Variants in GPC3 observed in about 807,000 individuals in gnomAD.
GPC3 encodes glypican-3.
GPC3 carries 3 observed loss-of-function variants against 34.4 expected under a neutral mutation model. The ratio of observed to expected loss-of-function variants is 0.09; its 90% CI spans 0.04 to 0.23. GPC3 has a LOEUF of 0.23. Ranked by LOEUF, GPC3 falls within the 10% of genes least tolerant of loss-of-function variation. GPC3 has a pLI of 1.00. For missense variants in GPC3, 351 were observed against 445.6 expected, an observed-to-expected ratio of 0.79 and a Z score of 1.91; for synonymous variants, 177 against 174.0, an observed-to-expected ratio of 1.02 and a Z score of -0.13.
chrX:133,690,943 A>G (rs998082220), intron 5 of GPC3, among the ~76,000 whole-genome samples: 15 of 111,889 alleles, frequency 1.3e-4, no homozygotes, highest in South Asian at 3.7e-4. Context: ...TTTCCTAAGC[A>G]TTCTGTCCTC....
intron 2 of GPC3, among the ~76,000 whole-genome samples, chrX:133,933,712 C>T (rs190598003): frequency 1.8e-3 from 200 of 109,935 alleles, no homozygotes; most frequent in Non-Finnish European, 3.1e-3. Flanking sequence ...CTCTCTCCTG[C>T]TCCTGCTTTC....
At chrX:133,831,703 TCAAAA>T (rs751814226) in intron 2 of GPC3, among the ~76,000 whole-genome samples, 37 of 110,529 alleles carry the variant, frequency 3.3e-4, no homozygotes, top group African/African-American at 1.1e-3. Context: ...GCACTCTGTC[TCAAAA>T]CAAAACAAAA....
intron 7 of GPC3, among the ~76,000 whole-genome samples, chrX:133,548,934 CTG>C (rs1458045239): frequency 1.8e-5 from 2 of 111,673 alleles, no homozygotes; most frequent in African/African-American, 3.3e-5. Flanking sequence ...TCATGTGGAA[CTG>C]TAAGTCCATT....
intron 1 of GPC3, among the ~76,000 whole-genome samples, chrX:133,984,186 C>A (rs1015029717): frequency 8.8e-6 from 1 of 113,729 alleles, no homozygotes. Context: ...GGGACGCGCG[C>A]CTCACTGGAT....
intron 6 of GPC3, among the ~76,000 whole-genome samples, chrX:133,640,688 A>G (rs1399874119): frequency 2.7e-5 from 3 of 112,404 alleles, no homozygotes; most frequent in Non-Finnish European, 3.8e-5. Context: ...CTGAAAAACC[A>G]TGAATAAGCC....
chrX:133,857,192 C>T (rs2075907248), intron 2 of GPC3, among the ~76,000 whole-genome samples: 1 of 111,492 alleles, frequency 9.0e-6, no homozygotes, highest in Non-Finnish European at 1.9e-5. Context: ...CTTCTTCTGA[C>T]CTATTCTTCC....
At chrX:133,610,190 A>G (rs1287990320) in intron 6 of GPC3, among the ~76,000 whole-genome samples, 4 of 111,498 alleles carry the variant, frequency 3.6e-5, no homozygotes, top group Non-Finnish European at 7.5e-5. Context: ...TTTGGTAGAG[A>G]TTCTGGTGAA....
intron 2 of GPC3, among the ~76,000 whole-genome samples, chrX:133,782,225 T>C (rs1603246499): frequency 1.8e-5 from 2 of 111,932 alleles, no homozygotes; most frequent in South Asian, 7.5e-4. Context: ...GTGACTACCC[T>C]GCAAACTCAC....
At chrX:133,598,999 A>G (rs1427265560) in intron 6 of GPC3, among the ~76,000 whole-genome samples, 1 of 112,549 alleles carries the variant, frequency 8.9e-6, no homozygotes, top group African/African-American at 3.2e-5. Flanking sequence ...TGAAAGCCTG[A>G]ATTTTATTAT....
At chrX:133,780,527 T>C (rs981997439) in intron 2 of GPC3, among the ~76,000 whole-genome samples, 1 of 111,731 alleles carries the variant, frequency 9.0e-6, no homozygotes, top group African/African-American at 3.3e-5. Flanking sequence ...ACTGGTGGCC[T>C]GGGAAGCCTG....
chrX:133,688,648 A>G (rs1238220434), intron 5 of GPC3, among the ~76,000 whole-genome samples: 1 of 111,402 alleles, frequency 9.0e-6, no homozygotes, highest in Non-Finnish European at 1.9e-5. Context: ...CTCATTCCCT[A>G]TCAGGATCCT....
chrX:133,776,137 T>C (rs1296847259), intron 2 of GPC3, among the ~76,000 whole-genome samples: 1 of 112,026 alleles, frequency 8.9e-6, no homozygotes, highest in Non-Finnish European at 1.9e-5. Context: ...TTATAGTTTA[T>C]CTATTCTAAA....
In GPC3 at chrX:133,846,469, T is replaced by A. The variant is rs766951082; in HGVS notation, c.338-92293A>T. The stretch of plus-strand genomic sequence containing the variant: ...TTACCTCCTTTATACATGACATAGC[T>A]AATGAAAGTACATATTAGTATTCCC... On this transcript the variant is annotated intron_variant, in intron 2 of 7. Transcript: ENST00000370818. 3.0e-4 allele frequency among the ~76,000 whole-genome samples: 33 copies of A among 111,754 alleles called. 1 individual carries two copies. The highest frequency in any genetic ancestry group is 9.4e-4 in the African/African-American group (29 of 30,854).
chrX:133,604,632 A>C (rs747960523), intron 6 of GPC3, among the ~76,000 whole-genome samples: 1 of 111,936 alleles, frequency 8.9e-6, no homozygotes, highest in Admixed American at 9.5e-5. Context: ...TTTAAAAAAA[A>C]TAAAGGGATA....
intron 6 of GPC3, among the ~76,000 whole-genome samples, chrX:133,623,374 A>T (rs756408112): frequency 8.9e-6 from 1 of 112,165 alleles, no homozygotes; most frequent in Admixed American, 9.5e-5. Flanking sequence ...CAAATTGGAT[A>T]AAGAGTCAAG....
intron 2 of GPC3, among the ~76,000 whole-genome samples, chrX:133,904,801 G>A (rs2076160717): frequency 9.0e-6 from 1 of 111,659 alleles, no homozygotes; most frequent in African/African-American, 3.3e-5. Context: ...TGATGAGGCA[G>A]CACTAAATAA....
intron 6 of GPC3, among the ~76,000 whole-genome samples, chrX:133,625,296 G>C (rs2070287071): frequency 8.9e-6 from 1 of 111,818 alleles, no homozygotes; most frequent in Admixed American, 9.6e-5. Flanking sequence ...ATTCAACATA[G>C]TGTTAGAAGT....
At chrX:133,628,855 G>A (rs1361193038) in intron 6 of GPC3, among the ~76,000 whole-genome samples, 1 of 111,043 alleles carries the variant, frequency 9.0e-6, no homozygotes, top group Admixed American at 9.6e-5. Context: ...GGCATACAGA[G>A]TACCTATGAA....
In GPC3 at chrX:133,643,831, G is replaced by GTTTTTTTTTTT. The variant is rs778326133; in HGVS notation, c.1413+17888_1413+17898dup. On this transcript the variant is annotated intron_variant, in intron 6 of 7. Coordinates refer to ENST00000370818, the MANE Select transcript of GPC3 (RefSeq NM_004484.4). ...ACATTTGGATTGCTTTTGTTTTTAT[G>GTTTTTTTTTTT]TTTTTTTTTTTTTTGAGACGGGGTT... 7.9e-3 allele frequency among the ~76,000 whole-genome samples: 766 copies of GTTTTTTTTTTT among 96,818 alleles called. 18 individuals carry two copies. The highest frequency in any genetic ancestry group is 0.029 in the African/African-American group (721 of 24,895). The allele number at this position is 96,818 out of a possible 115,157, so 84.1% of individuals were successfully genotyped here.
Sources: allele counts gnomAD v4.1 joint callset (sites outside exome capture counted in the v4.1 genomes callset), GRCh38; gene constraint gnomAD v4.1.1; transcripts MANE v1.5; gene names NCBI Gene and HGNC (gene_info 2026-07-23, HGNC 2026-07-21).